PCNX4: variants seen among roughly 807,000 people sequenced by gnomAD.
The protein encoded by PCNX4 is pecanex 4.
Under a neutral mutation model 107.2 loss-of-function variants are expected in PCNX4, and 103 were observed. The ratio of observed to expected loss-of-function variants is 0.96; its 90% CI spans 0.82 to 1.13. The LOEUF is 1.13. Ranked by LOEUF, PCNX4 falls within the 50% of genes most tolerant of loss-of-function variation. The probability of loss-of-function intolerance (pLI) is 0.00; values close to 1 mark genes in which losing one functional copy is unlikely to be tolerated. For synonymous variants in PCNX4, 541 were observed against 481.7 expected (o/e 1.12, Z -1.61); for missense variants, 1,528 against 1,379.4 (o/e 1.11, Z -1.71).
chr14:60,110,087 T>A (rs976479868), intron 2 of PCNX4: 2 of 167,122 alleles, frequency 1.2e-5, no homozygotes, highest in Non-Finnish European at 2.9e-5. Context: ...AAGCATATTC[T>A]GAAGAGAACA....
At chr14:60,111,297 T>C (rs988878794) in intron 2 of PCNX4, 1 of 152,164 alleles carries the variant, frequency 6.6e-6, no homozygotes, top group African/African-American at 2.4e-5. Context: ...CTCTTCTAGT[T>C]ACACTACATT....
intron 10 of PCNX4, 35 bp downstream of exon 10, chr14:60,125,858 A>G (rs1206584366): frequency 7.3e-7 from 1 of 1,371,708 alleles, no homozygotes; most frequent in South Asian, 1.4e-5. Flanking sequence ...TACATATACT[A>G]ACCTTAAAGA....
chr14:60,096,561 A>C (rs1895428755), intron 1 of PCNX4, among the ~76,000 whole-genome samples: 1 of 152,212 alleles, frequency 6.6e-6, no homozygotes, highest in African/African-American at 2.4e-5. Flanking sequence ...CATTGTCCTA[A>C]CCACTCTGGA....
rs534059645 is a variant in PCNX4, at chr14:60,134,123, C to T, written c.3421C>T (p.His1141Tyr). Reference protein sequence around the residue: ...DDEERYSIQAHPLLLRNLTVQ... With the variant: ...DDEERYSIQAYPLLLRNLTVQ... Reference sequence around the variant, plus strand: ...TGAAGAACGTTATAGTATACAAGCTCATCCACTACTTTTAAGAAATCTTAC... The same window carrying T: ...TGAAGAACGTTATAGTATACAAGCTTATCCACTACTTTTAAGAAATCTTAC... Residue 1141 changes from histidine (H) to tyrosine (Y), a missense_variant, in exon 11 of 11, where the codon CAT becomes TAT. Physicochemically the swap from His to Tyr is moderately conservative, Grantham distance 83. Transcript: ENST00000406854. 4.3e-6 allele frequency: 7 copies of T among 1,613,876 alleles called. No individual in the cohort carries two copies. In the South Asian group the frequency reaches 7.7e-5, roughly 18 times the overall value.
rs565987164 is a variant in PCNX4, at chr14:60,115,422, A to G, written c.1318A>G (p.Met440Val). The stretch of plus-strand genomic sequence containing the variant: ...ATTCTTTGAGAAGCAAACTAGGCTC[A>G]TGAAGATTGGTATTGTCAGACGGAT... Reference protein sequence around the residue: ...TVFFEKQTRLMKIGIVRRILL... With the variant: ...TVFFEKQTRLVKIGIVRRILL... The change falls in exon 4 of 11, where the codon ATG (methionine) becomes GTG (valine). Residue 440 changes from methionine to valine, a missense_variant. By Grantham distance (21) the Met-to-Val change is conservative (BLOSUM62 1). Transcript: ENST00000406854. 3 of 1,552,530 alleles carry G rather than the reference A, an allele frequency of 1.9e-6. No individual in the cohort carries two copies. Among genetic ancestry groups the G allele is most frequent in the Non-Finnish European group, 2.6e-6 (3 of 1,152,750 alleles).
Position 60,140,443 on chromosome 14 carries a change from A to G in PCNX4, c.*6222A>G, listed in dbSNP as rs1384961243. 1 of 152,230 alleles carries G rather than the reference A, an allele frequency of 6.6e-6. No individual in the cohort carries two copies. The highest frequency in any genetic ancestry group is 2.1e-4 in the South Asian group (1 of 4,838). 9.4% of individuals were successfully genotyped at this position (152,230 alleles called of 1,614,324 possible). ...ACAATCTTAAATTCTTACAAAGAGC[A>G]GTAGAAATGCAGGAACCCTCCCCAA... On this transcript the variant is annotated 3_prime_UTR_variant, in exon 11 of 11. Coordinates refer to ENST00000406854, the MANE Select transcript of PCNX4 (RefSeq NM_001330177.2). The surrounding 1 kb of genome is among the most constrained non-coding windows in gnomAD (Gnocchi z 4.2).
intron 1 of PCNX4, among the ~76,000 whole-genome samples, chr14:60,101,593 G>A (rs1566929694): frequency 6.6e-6 from 1 of 152,156 alleles, no homozygotes; most frequent in Non-Finnish European, 1.5e-5. Context: ...ACAAAAGAGT[G>A]TTGGTGAGGA....
chr14:60,118,468 C>T lies in PCNX4; in HGVS notation c.1718C>T (p.Ser573Phe), dbSNP rs370693942. 1.9e-6 allele frequency: 3 copies of T among 1,613,596 alleles called. No individual in the cohort carries two copies. Among genetic ancestry groups the T allele is most frequent in the African/African-American group, 2.7e-5 (2 of 74,922 alleles). Reference protein sequence around the residue: ...ATLCILNIVFSPFVLVIIVFS... With the variant: ...ATLCILNIVFFPFVLVIIVFS... ...TTATGTATACTCAACATTGTCTTTT[C>T]TCCATTCGTGTTGGTCATCATAGTT... The change falls in exon 7 of 11, where the codon TCT becomes TTT. Residue 573 changes from serine (S) to phenylalanine (F), a missense_variant. By Grantham distance (155) the Ser-to-Phe change is radical. Transcript: ENST00000406854.
chr14:60,096,141 A>G (rs1456740394), intron 1 of PCNX4, among the ~76,000 whole-genome samples: 1 of 68,464 alleles, frequency 1.5e-5, no homozygotes, highest in East Asian at 3.6e-4. Flanking sequence ...TTTGGGTGTG[A>G]CAGATATCTG....
At chr14:60,113,943 T>G (rs1895787974) in intron 2 of PCNX4, among the ~76,000 whole-genome samples, 1 of 152,188 alleles carries the variant, frequency 6.6e-6, no homozygotes, top group Non-Finnish European at 1.5e-5. Flanking sequence ...CTGTGCCAAG[T>G]TTGAGTTTCT....
At chr14:60,125,481 T>C (rs1400364065) in intron 9 of PCNX4, among the ~76,000 whole-genome samples, 156 bp from the exon 10 acceptor site, 1 of 152,206 alleles carries the variant, frequency 6.6e-6, no homozygotes, top group Non-Finnish European at 1.5e-5. Context: ...CTTTCTGATT[T>C]CTTCACCTTA....
chr14:60,098,700 A>C (rs1293410251), intron 1 of PCNX4, among the ~76,000 whole-genome samples: 1 of 152,158 alleles, frequency 6.6e-6, no homozygotes, highest in African/African-American at 2.4e-5. Context: ...GCACTTTGGG[A>C]GGATGAGGCG....
chr14:60,145,569 G>A lies in PCNX4; in HGVS notation c.*11348G>A, dbSNP rs1896383553. ...TGCACCTGTAATCCCAGCTACCCGG[G>A]AGGCTGAGGCAAGAGAATTGCTTGA... On this transcript the variant is annotated 3_prime_UTR_variant, in exon 11 of 11. Coordinates refer to ENST00000406854, the MANE Select transcript of PCNX4 (RefSeq NM_001330177.2). The surrounding 1 kb of genome is among the most constrained non-coding windows in gnomAD (Gnocchi z 4.0). 2 of 152,232 alleles carry A rather than the reference G, an allele frequency of 1.3e-5. No individual in the cohort carries two copies. The highest frequency in any genetic ancestry group is 4.8e-5 in the African/African-American group (2 of 41,418). 9.4% of individuals were successfully genotyped at this position (152,232 alleles called of 1,614,324 possible). A position where few individuals can be genotyped will look rare whatever the true frequency, so the allele number is the denominator to read the frequency against.
chr14:60,116,196 A>G, intron 6 of PCNX4, 136 bp downstream of exon 6: 5 of 840,682 alleles, frequency 5.9e-6, no homozygotes, highest in Non-Finnish European at 1.7e-6. Context: ...CCAAAAAGAA[A>G]CCTCAACTGT....
At chr14:60,105,010 G>GT (rs948945500) in intron 1 of PCNX4, among the ~76,000 whole-genome samples, 8 of 151,928 alleles carry the variant, frequency 5.3e-5, no homozygotes, top group Non-Finnish European at 8.8e-5. Flanking sequence ...TTGGATTTGG[G>GT]TTTTTTTTCC....
At chr14:60,102,895 T>G (rs1489172048) in intron 1 of PCNX4, among the ~76,000 whole-genome samples, 2 of 152,216 alleles carry the variant, frequency 1.3e-5, no homozygotes, top group Non-Finnish European at 2.9e-5. Context: ...ATGAAACTGT[T>G]GCCTCCTACA....
Position 60,134,281 on chromosome 14 carries a change from G to C in PCNX4, c.*60G>C. The C allele has an allele frequency of 6.4e-7, 1 of 1,568,494 alleles. No homozygotes were observed. The highest frequency in any genetic ancestry group is 8.7e-7 in the Non-Finnish European group (1 of 1,149,750). ...GTTTTTATTTTTTCATCCTAAAAAAGTAACTGTGATTCTTGTAACTTGAGG... is the reference window on the plus strand; with the variant it reads ...GTTTTTATTTTTTCATCCTAAAAAACTAACTGTGATTCTTGTAACTTGAGG... On this transcript the variant is annotated 3_prime_UTR_variant, in exon 11 of 11. Coordinates refer to ENST00000406854, the MANE Select transcript of PCNX4 (RefSeq NM_001330177.2).
At position 60,134,232 on chromosome 14, in the gene PCNX4, GA is replaced by G. The variant is rs770806417; in HGVS notation, c.*12del. ...ATACATTTGTATTAGAGCTCATTTT[GA>G]CTGTAATGTCATCAAATGCAATGTT... On this transcript the variant is annotated 3_prime_UTR_variant, in exon 11 of 11. Coordinates refer to ENST00000406854, the MANE Select transcript of PCNX4 (RefSeq NM_001330177.2). 19 of 1,609,792 alleles carry G rather than the reference GA, an allele frequency of 1.2e-5. No homozygotes were observed. Among genetic ancestry groups the G allele is most frequent in the Non-Finnish European group, 1.6e-5 (19 of 1,177,588 alleles).
At chr14:60,130,470 C>A (rs1178484142) in intron 10 of PCNX4, among the ~76,000 whole-genome samples, 3 of 152,036 alleles carry the variant, frequency 2.0e-5, no homozygotes, top group Middle Eastern at 6.3e-3. Flanking sequence ...TCACAGTGAA[C>A]ATCATCATTA....
Sources: gnomAD v4.1 joint callset for allele counts (sites outside exome capture counted in the v4.1 genomes callset) on GRCh38, gnomAD v4.1.1 for gene constraint, Gnocchi (gnomAD v3.1) non-coding constraint, MANE v1.5 for transcripts, NCBI Gene and HGNC (gene_info 2026-07-23, HGNC 2026-07-21) for gene names.